The following IPP variants were observed in gnomAD, a reference collection of about 807,000 sequenced individuals.
IPP encodes intracisternal A particle-promoted polypeptide, also known as actin-binding protein IPP.
Under a neutral mutation model 64.1 loss-of-function variants are expected in IPP, and 41 were observed. The observed-to-expected ratio is 0.64, with a 90% confidence interval of 0.50 to 0.83. The LOEUF (loss-of-function observed/expected upper bound fraction) is 0.83. Ranked by LOEUF, IPP falls within the 40% of genes least tolerant of loss-of-function variation. The pLI is 0.00. For synonymous variants in IPP, 214 were observed against 235.2 expected (o/e 0.91, Z 0.83); for missense variants, 649 against 703.0 (o/e 0.92, Z 0.87).
chr1:45,745,140 CCT>C (rs1355081388), intron 2 of IPP, among the ~76,000 whole-genome samples: 7 of 152,202 alleles, frequency 4.6e-5, no homozygotes, highest in Non-Finnish European at 7.3e-5. Context: ...CTCAAGCAAT[CCT>C]CTCACATTGG....
intron 4 of IPP, among the ~76,000 whole-genome samples, chr1:45,729,136 A>G (rs1645872312): frequency 7.1e-6 from 1 of 139,928 alleles, no homozygotes; most frequent in African/African-American, 2.6e-5. Context: ...ACAGAGTAAG[A>G]CTACCTCAAA....
In IPP at chr1:45,746,129, T is replaced by A. The variant is rs773501115; in HGVS notation, c.283A>T (p.Ile95Phe). ...GACTCATGTAACATACCTGTGTAAATGAAATCTAGAAGTATCTGAAAGATT... is the reference window on the plus strand; with the variant it reads ...GACTCATGTAACATACCTGTGTAAAAGAAATCTAGAAGTATCTGAAAGATT... ...AGIFQILLDF[I>F]YTGIVNIGVN... Residue 95 changes from isoleucine to phenylalanine, a missense_variant, in exon 2 of 9, where the codon ATT becomes TTT. Transcript: ENST00000396478. The A allele has an allele frequency of 6.2e-7, 1 of 1,612,064 alleles. No homozygotes were observed. Among genetic ancestry groups the A allele is most frequent in the Admixed American group, 1.7e-5 (1 of 59,964 alleles).
At chr1:45,739,290 A>G (rs2148579866) in intron 3 of IPP, among the ~76,000 whole-genome samples, 1 of 152,220 alleles carries the variant, frequency 6.6e-6, no homozygotes, top group Admixed American at 6.5e-5. Context: ...CTGGAGAGCA[A>G]TGGCACAATC....
At chr1:45,708,658 G>A (rs1232384474) in intron 8 of IPP, among the ~76,000 whole-genome samples, 1 of 119,990 alleles carries the variant, frequency 8.3e-6, no homozygotes, top group African/African-American at 3.1e-5. Context: ...CAGCCTGGGT[G>A]ATGAGAGTGA....
chr1:45,744,737 G>A (rs1366108840), intron 2 of IPP, among the ~76,000 whole-genome samples: 1 of 151,870 alleles, frequency 6.6e-6, no homozygotes. Flanking sequence ...TACTCGGGAG[G>A]CTGAGGCAGG....
chr1:45,718,350 G>A (rs931112960), intron 6 of IPP, among the ~76,000 whole-genome samples: 5 of 152,218 alleles, frequency 3.3e-5, no homozygotes, highest in African/African-American at 1.2e-4. Flanking sequence ...TTAAAGAGCT[G>A]ACAAGTGCAT....
At chr1:45,747,834 CAAAAAAAAA>C (rs60576414) in intron 1 of IPP, among the ~76,000 whole-genome samples, 240 of 39,280 alleles carry the variant, frequency 6.1e-3, no homozygotes, top group East Asian at 0.022. Context: ...GACTCTGTCT[CAAAAAAAAA>C]AAAAAAAAAA....
intron 2 of IPP, among the ~76,000 whole-genome samples, chr1:45,742,353 T>C (rs564942232): frequency 6.6e-6 from 1 of 152,070 alleles, no homozygotes; most frequent in Non-Finnish European, 1.5e-5. Flanking sequence ...CCCGCATATG[T>C]ACCTCTTGAA....
At chr1:45,732,378 A>AAAAAAC (rs1197568677) in intron 3 of IPP, among the ~76,000 whole-genome samples, 1 of 151,026 alleles carries the variant, frequency 6.6e-6, no homozygotes, top group Non-Finnish European at 1.5e-5. Flanking sequence ...AAAAAAAAAA[A>AAAAAAC]AACACAAAAA....
intron 4 of IPP, among the ~76,000 whole-genome samples, chr1:45,729,018 T>G (rs1263504320): frequency 6.6e-6 from 1 of 151,086 alleles, no homozygotes; most frequent in African/African-American, 2.4e-5. Flanking sequence ...TGGTGGCGCA[T>G]GCCTGTAGTC....
chr1:45,732,373 A>C (rs1316517063), intron 3 of IPP, among the ~76,000 whole-genome samples: 1 of 150,900 alleles, frequency 6.6e-6, no homozygotes, highest in Non-Finnish European at 1.5e-5. Flanking sequence ...AAAAAAAAAA[A>C]AAAAAAACAC....
At chr1:45,736,110 CAA>C (rs766679158) in intron 3 of IPP, among the ~76,000 whole-genome samples, 16 of 111,164 alleles carry the variant, frequency 1.4e-4, no homozygotes, top group Non-Finnish European at 2.3e-4. Context: ...GACTCCATCT[CAA>C]AAAAAAAAAA....
chr1:45,744,740 G>C (rs984982284), intron 2 of IPP, among the ~76,000 whole-genome samples: 5 of 151,886 alleles, frequency 3.3e-5, no homozygotes, highest in African/African-American at 1.2e-4. Flanking sequence ...TCGGGAGGCT[G>C]AGGCAGGAGA....
chr1:45,718,167 T>C (rs1645686076), intron 6 of IPP, among the ~76,000 whole-genome samples: 1 of 152,202 alleles, frequency 6.6e-6, no homozygotes, highest in African/African-American at 2.4e-5. Context: ...TGTGATATAT[T>C]TAATTTTTTG....
At chr1:45,725,247 C>T (rs1310540457) in intron 5 of IPP, among the ~76,000 whole-genome samples, 1 of 138,330 alleles carries the variant, frequency 7.2e-6, no homozygotes, top group African/African-American at 2.7e-5. Context: ...GCCGCCCCGT[C>T]CGGGAGGTGA....
chr1:45,718,674 G>A (rs970501623), intron 6 of IPP, among the ~76,000 whole-genome samples: 3 of 152,080 alleles, frequency 2.0e-5, no homozygotes, highest in African/African-American at 7.2e-5. Context: ...AAAAAAGAAT[G>A]TAAAGAGCTG....
intron 5 of IPP, among the ~76,000 whole-genome samples, chr1:45,726,384 G>A (rs1340135917): frequency 2.0e-5 from 3 of 151,994 alleles, no homozygotes; most frequent in Non-Finnish European, 4.4e-5. Context: ...CTTGAACCCG[G>A]GAGGTGGAGG....
At chr1:45,716,114 T>A (rs1011060611) in intron 7 of IPP, among the ~76,000 whole-genome samples, 2 of 152,200 alleles carry the variant, frequency 1.3e-5, no homozygotes, top group Non-Finnish European at 2.9e-5. Context: ...ATTAAAATAA[T>A]GTTTGTATAC....
At chr1:45,702,142 C>G (rs189062645) in intron 8 of IPP, among the ~76,000 whole-genome samples, 2 of 151,974 alleles carry the variant, frequency 1.3e-5, no homozygotes, top group Non-Finnish European at 2.9e-5. Flanking sequence ...CACAAAATGC[C>G]CCTTGACAAT....
Sources: gnomAD v4.1 joint callset for allele counts (sites outside exome capture counted in the v4.1 genomes callset) on GRCh38, gnomAD v4.1.1 for gene constraint, MANE v1.5 for transcripts, NCBI Gene and HGNC (gene_info 2026-07-23, HGNC 2026-07-21) for gene names.